The following PPP2R2B variants were observed in gnomAD, a reference collection of about 807,000 sequenced individuals.
PPP2R2B encodes serine/threonine-protein phosphatase 2A 55 kDa regulatory subunit B beta isoform.
Under a neutral mutation model 46.0 loss-of-function variants are expected in PPP2R2B, and 5 were observed. The observed-to-expected ratio is 0.11, with a 90% CI of 0.06 to 0.23. The LOEUF (loss-of-function observed/expected upper bound fraction) is 0.23, where lower values mean the gene tolerates loss of function less well. PPP2R2B is among the 10% of genes least tolerant of loss of function. PPP2R2B has a pLI of 1.00. For synonymous variants in PPP2R2B, 215 were observed against 206.7 expected (o/e 1.04, Z -0.34); for missense variants, 367 against 575.0 (o/e 0.64, Z 3.70).
intron 2 of PPP2R2B, among the ~76,000 whole-genome samples, chr5:146,851,515 C>T (rs1760350065): frequency 6.6e-6 from 1 of 152,102 alleles, no homozygotes; most frequent in Non-Finnish European, 1.5e-5. Context: ...ATCCAAATGC[C>T]TCACTGGGAT....
intron 2 of PPP2R2B, among the ~76,000 whole-genome samples, chr5:146,771,965 A>G (rs180732410): frequency 1.1e-4 from 17 of 152,320 alleles, no homozygotes; most frequent in Admixed American, 7.2e-4. Flanking sequence ...ATTTCAAAAA[A>G]GCCACCTTAC....
chr5:147,039,795 G>C (rs985150426), intron 1 of PPP2R2B, among the ~76,000 whole-genome samples: 6 of 152,158 alleles, frequency 3.9e-5, no homozygotes, highest in Admixed American at 2.0e-4. Context: ...CAGAATGTAA[G>C]ATGAGAGCAG....
chr5:146,907,682 T>C (rs1285420414), intron 1 of PPP2R2B, among the ~76,000 whole-genome samples: 2 of 152,254 alleles, frequency 1.3e-5, no homozygotes, highest in Non-Finnish European at 2.9e-5. Context: ...GTATAAATGC[T>C]GTTGATTTGT....
At chr5:146,977,057 C>A (rs1162778665) in intron 1 of PPP2R2B, among the ~76,000 whole-genome samples, 1 of 146,736 alleles carries the variant, frequency 6.8e-6, no homozygotes, top group African/African-American at 2.5e-5. Context: ...AACAAAAAAA[C>A]AAATCTGGAG....
intron 7 of PPP2R2B, among the ~76,000 whole-genome samples, chr5:146,628,561 A>G (rs1462382510): frequency 1.3e-5 from 2 of 152,132 alleles, no homozygotes; most frequent in Non-Finnish European, 1.5e-5. Context: ...AGCTTCTGCA[A>G]TTCCCCAGCA....
chr5:146,680,659 C>T (rs1778108635), intron 5 of PPP2R2B, among the ~76,000 whole-genome samples: 2 of 152,032 alleles, frequency 1.3e-5, no homozygotes, highest in African/African-American at 4.8e-5. Flanking sequence ...TCCTATATTA[C>T]TTGAGCCAGA....
intron 2 of PPP2R2B, among the ~76,000 whole-genome samples, chr5:146,758,347 C>A (rs531653787): frequency 2.0e-5 from 3 of 152,192 alleles, no homozygotes; most frequent in Non-Finnish European, 2.9e-5. Flanking sequence ...GGGCAAGAAC[C>A]CTCATTCTTT....
chr5:147,079,434 T>TTATATATATATATA lies in PPP2R2B; in HGVS notation c.50+1624_50+1625insTATATATATATATA, dbSNP rs1260007870. Among the ~76,000 whole-genome samples, 101 of 80,934 alleles carry TTATATATATATATA rather than the reference T, an allele frequency of 1.2e-3. 1 individual carries two copies. The highest frequency in any genetic ancestry group is 3.8e-3 in the African/African-American group (90 of 23,560). The allele number at this position is 80,934 out of a possible 152,430, so 53.1% of individuals were successfully genotyped here. On this transcript the variant is annotated intron_variant, in intron 2 of 10. Transcript: ENST00000394413. ...ATATACACACAAACACACACACATTTTATATATATACATATATATATATAT... is the reference window on the plus strand; with the variant it reads ...ATATACACACAAACACACACACATTTTATATATATATATATATATATATACATATATATATATAT...
intron 1 of PPP2R2B, among the ~76,000 whole-genome samples, chr5:146,886,325 C>A (rs1029532977): frequency 3.3e-5 from 3 of 91,222 alleles, no homozygotes; most frequent in Admixed American, 2.2e-4. Flanking sequence ...GGCGACAGAA[C>A]GAGACTCCGT....
chr5:146,871,295 T>G (rs1275524595), intron 2 of PPP2R2B, among the ~76,000 whole-genome samples: 1 of 152,210 alleles, frequency 6.6e-6, no homozygotes, highest in Non-Finnish European at 1.5e-5. Flanking sequence ...ATATTTCTCT[T>G]GCTGTGGCCC....
intron 5 of PPP2R2B, among the ~76,000 whole-genome samples, chr5:146,688,268 A>C (rs971581431): frequency 6.6e-6 from 1 of 152,144 alleles, no homozygotes; most frequent in Non-Finnish European, 1.5e-5. Context: ...GAGGTTATAT[A>C]GCAAATATAA....
At chr5:146,628,346 G>A (rs780094931) in intron 7 of PPP2R2B, among the ~76,000 whole-genome samples, 12 of 152,210 alleles carry the variant, frequency 7.9e-5, no homozygotes, top group Non-Finnish European at 1.2e-4. Context: ...GGTGTCATCC[G>A]AAGGAGGGGA....
At position 146,639,109 on chromosome 5, in the gene PPP2R2B, T is replaced by C. The variant is rs528362874; in HGVS notation, c.626-694A>G. 2.5e-4 allele frequency among the ~76,000 whole-genome samples: 38 copies of C among 152,350 alleles called. No homozygotes were observed. The South Asian group carries it at 3.3e-3, about 13-fold the overall frequency. On this transcript the variant is annotated intron_variant, in intron 6 of 9. Transcript: ENST00000394411. ...ATAAAGAAACTTGCTTCAAGTCACA[T>C]GGCTAAGTGACAACACTAGGATTTC... is the stretch of plus-strand genomic sequence containing the variant.
chr5:146,839,549 C>A (rs1483921185), intron 2 of PPP2R2B, among the ~76,000 whole-genome samples: 1 of 152,032 alleles, frequency 6.6e-6, no homozygotes, highest in African/African-American at 2.4e-5. Context: ...ATGCAATTTC[C>A]AAAAAATTAA....
At chr5:146,761,551 G>A (rs1227975195) in intron 2 of PPP2R2B, among the ~76,000 whole-genome samples, 1 of 151,882 alleles carries the variant, frequency 6.6e-6, no homozygotes, top group African/African-American at 2.4e-5. Flanking sequence ...ACACCAACAT[G>A]GCACATGTAT....
chr5:146,619,302 TA>T (rs34725004), intron 7 of PPP2R2B, among the ~76,000 whole-genome samples: 4,018 of 112,852 alleles, frequency 0.036, 65 homozygotes, highest in Middle Eastern at 0.051. Context: ...CCGTCTCTAC[TA>T]AAAAAAAAAA....
At chr5:146,727,212 G>A (rs952548013) in intron 2 of PPP2R2B, among the ~76,000 whole-genome samples, 1 of 151,142 alleles carries the variant, frequency 6.6e-6, no homozygotes, top group Non-Finnish European at 1.5e-5. Flanking sequence ...TCAGAGTGTG[G>A]ATTCCTACAG....
intron 2 of PPP2R2B, among the ~76,000 whole-genome samples, chr5:146,801,685 C>T (rs1374792287): frequency 2.0e-5 from 3 of 152,070 alleles, no homozygotes; most frequent in South Asian, 4.1e-4. Flanking sequence ...TATTCACTCA[C>T]CCATAAAATG....
chr5:147,045,444 C>T (rs1448485045), intron 1 of PPP2R2B, among the ~76,000 whole-genome samples: 1 of 152,030 alleles, frequency 6.6e-6, no homozygotes, highest in Admixed American at 6.6e-5. Context: ...ACCATATAGC[C>T]TGGGTATGTA....
Sources: gnomAD v4.1 joint callset for allele counts (sites outside exome capture counted in the v4.1 genomes callset) on GRCh38, gnomAD v4.1.1 for gene constraint, MANE v1.5 for transcripts, NCBI Gene and HGNC (gene_info 2026-07-23, HGNC 2026-07-21) for gene names.